The following GABBR2 variants were observed in gnomAD, a reference collection of about 807,000 sequenced individuals.
GABBR2 encodes the protein G-protein coupled receptor 51.
Under a neutral mutation model 105.6 loss-of-function variants are expected in GABBR2, and 23 were observed. That is an observed-to-expected ratio of 0.22 (90% CI 0.16 to 0.31). The LOEUF is 0.31. Ranked by LOEUF, GABBR2 falls within the 10% of genes least tolerant of loss-of-function variation. The pLI, the probability that GABBR2 is intolerant of heterozygous loss-of-function variation, is 1.00. For missense variants in GABBR2, 734 were observed against 1,245.5 expected, an observed-to-expected ratio of 0.59 and a Z score of 6.18; for synonymous variants, 478 against 499.7, an observed-to-expected ratio of 0.96 and a Z score of 0.58.
intron 13 of GABBR2, among the ~76,000 whole-genome samples, chr9:98,338,403 A>G (rs1831152402): frequency 6.6e-6 from 1 of 152,220 alleles, no homozygotes; most frequent in Admixed American, 6.5e-5. Context: ...TAGAATATAT[A>G]AAGAACTCTT....
intron 3 of GABBR2, among the ~76,000 whole-genome samples, chr9:98,525,113 T>C (rs1827932747): frequency 1.3e-5 from 2 of 152,188 alleles, no homozygotes; most frequent in Admixed American, 6.5e-5. Context: ...CAATGGTCTC[T>C]TAAATATGAC....
At chr9:98,494,449 C>T (rs558179164) in intron 4 of GABBR2, among the ~76,000 whole-genome samples, 1 of 152,312 alleles carries the variant, frequency 6.6e-6, no homozygotes, top group Admixed American at 6.5e-5. Flanking sequence ...CAGATGAGTA[C>T]TCTGTCATTA....
rs914232344 is a variant in GABBR2 at position 98,325,181 on chromosome 9, C to G, written c.1894-13976G>C. ...GTTAGATTGGACTTAAATGTGTGAA[C>G]TTTCTTCCTTATTTTGAGCTGAAAT... On this transcript the variant is annotated intron_variant, in intron 13 of 18. Transcript: ENST00000259455. 4.6e-5 allele frequency among the ~76,000 whole-genome samples: 7 copies of G among 150,876 alleles called. No individual in the cohort carries two copies. The East Asian group carries it at 7.9e-4, about 17-fold the overall frequency.
At chr9:98,610,059 T>C (rs538078862) in intron 1 of GABBR2, among the ~76,000 whole-genome samples, 274 of 152,258 alleles carry the variant, frequency 1.8e-3, no homozygotes, top group Non-Finnish European at 3.3e-3. Context: ...CAAACTCCTG[T>C]CCTCCCTGCG....
In GABBR2 at chr9:98,654,070, T is replaced by C. The variant is rs1830145331; in HGVS notation, c.321+54347A>G. On this transcript the variant is annotated intron_variant, in intron 1 of 18. Transcript: ENST00000259455. ...TCAGGCTCTAATTCAGTAGTCTTTCTGTCTTACAGCCATAACATCGCTCTC... is the reference window on the plus strand; with the variant it reads ...TCAGGCTCTAATTCAGTAGTCTTTCCGTCTTACAGCCATAACATCGCTCTC... Among the ~76,000 whole-genome samples, 8 of 152,242 alleles carry C rather than the reference T, an allele frequency of 5.3e-5. No individual in the cohort carries two copies. The South Asian group carries it at 1.7e-3, about 31-fold the overall frequency.
chr9:98,614,764 G>T (rs1427805428), intron 1 of GABBR2, among the ~76,000 whole-genome samples: 1 of 143,016 alleles, frequency 7.0e-6, no homozygotes, highest in East Asian at 2.3e-4. Flanking sequence ...AATGGAGAAG[G>T]ATAAAAAGAT....
At chr9:98,441,916 T>C (rs959414999) in intron 7 of GABBR2, among the ~76,000 whole-genome samples, 4 of 152,178 alleles carry the variant, frequency 2.6e-5, no homozygotes, top group African/African-American at 9.7e-5. Flanking sequence ...AAATAAATGA[T>C]AAAGAAATTA....
intron 2 of GABBR2, among the ~76,000 whole-genome samples, chr9:98,548,154 G>A (rs1828428874): frequency 8.7e-6 from 1 of 115,412 alleles, no homozygotes; most frequent in South Asian, 2.8e-4. Flanking sequence ...CTTTTTCAAA[G>A]GTGTTTTAAA....
At chr9:98,422,940 C>T (rs924952170) in intron 7 of GABBR2, among the ~76,000 whole-genome samples, 2 of 152,048 alleles carry the variant, frequency 1.3e-5, no homozygotes, top group African/African-American at 4.8e-5. Flanking sequence ...AGGACATGAA[C>T]TCATCATTTT....
chr9:98,373,292 TA>T (rs1380036085), intron 11 of GABBR2, among the ~76,000 whole-genome samples: 2 of 152,126 alleles, frequency 1.3e-5, no homozygotes, highest in African/African-American at 2.4e-5. Flanking sequence ...TATACAACAA[TA>T]AAAAGAAATA....
chr9:98,609,504 G>T (rs541690847), intron 1 of GABBR2, among the ~76,000 whole-genome samples: 3 of 152,248 alleles, frequency 2.0e-5, no homozygotes, highest in African/African-American at 7.2e-5. Context: ...TTCATTGGGT[G>T]ATTTTTCCAC....
At chr9:98,647,350 G>A (rs543978882) in intron 1 of GABBR2, among the ~76,000 whole-genome samples, 3 of 152,264 alleles carry the variant, frequency 2.0e-5, no homozygotes, top group East Asian at 1.9e-4. Flanking sequence ...TTCTTTCTCC[G>A]ACACTTCCTC....
At chr9:98,475,354 A>C (rs1043503314) in intron 5 of GABBR2, among the ~76,000 whole-genome samples, 1 of 151,770 alleles carries the variant, frequency 6.6e-6, no homozygotes, top group African/African-American at 2.4e-5. Context: ...TTTAAAAAAA[A>C]AAAAGAAAAG....
chr9:98,541,516 C>G (rs554636285), intron 3 of GABBR2, among the ~76,000 whole-genome samples: 6 of 152,292 alleles, frequency 3.9e-5, no homozygotes, highest in South Asian at 2.1e-4. Flanking sequence ...CCCCAAAACT[C>G]TCCTCACAGA....
chr9:98,600,242 C>T (rs988584907), intron 1 of GABBR2, among the ~76,000 whole-genome samples: 1 of 152,180 alleles, frequency 6.6e-6, no homozygotes, highest in Admixed American at 6.5e-5. Context: ...AGATGACAGG[C>T]ATCAGGGCTG....
chr9:98,451,798 C>T (rs956136797), intron 7 of GABBR2, among the ~76,000 whole-genome samples: 1 of 152,170 alleles, frequency 6.6e-6, no homozygotes, highest in East Asian at 1.9e-4. Flanking sequence ...TCCAGCTTGC[C>T]AGTGTTCCAG....
intron 7 of GABBR2, among the ~76,000 whole-genome samples, chr9:98,410,133 G>GTTTTTTT (rs1554702245): frequency 3.0e-5 from 4 of 132,416 alleles, no homozygotes; most frequent in African/African-American, 1.3e-4. Flanking sequence ...TTTTTTTTTG[G>GTTTTTTT]TTTCCCTCCC....
chr9:98,577,215 G>C (rs1828930240), intron 2 of GABBR2, among the ~76,000 whole-genome samples: 1 of 152,290 alleles, frequency 6.6e-6, no homozygotes, highest in African/African-American at 2.4e-5. Context: ...TGGATGGATG[G>C]ATGGATGGAT....
At chr9:98,604,289 C>T (rs1829381282) in intron 1 of GABBR2, among the ~76,000 whole-genome samples, 1 of 152,226 alleles carries the variant, frequency 6.6e-6, no homozygotes, top group Non-Finnish European at 1.5e-5. Context: ...CCACACACAT[C>T]CATTTCATCG....
Sources: allele counts gnomAD v4.1 joint callset (sites outside exome capture counted in the v4.1 genomes callset), GRCh38; gene constraint gnomAD v4.1.1; transcripts MANE v1.5; gene names NCBI Gene and HGNC (gene_info 2026-07-23, HGNC 2026-07-21).